FABP6: variants seen among roughly 807,000 people sequenced by gnomAD.
FABP6 encodes the protein gastrotropin.
A neutral mutation model predicts 14.9 loss-of-function variants in FABP6; 13 were observed. The ratio of observed to expected loss-of-function variants is 0.87; its 90% CI spans 0.57 to 1.39. The LOEUF (loss-of-function observed/expected upper bound fraction) is 1.39. Among genes scored for constraint, FABP6 ranks in the 40% most tolerant of loss-of-function variants. The pLI is 0.00. For missense variants in FABP6, 161 were observed against 167.2 expected (o/e 0.96, Z 0.20); for synonymous variants, 75 against 63.6 (o/e 1.18, Z -0.85).
upstream of FABP6, among the ~76,000 whole-genome samples, chr5:160,226,920 T>G (rs989185703): frequency 1.3e-5 from 2 of 152,214 alleles, no homozygotes; most frequent in Non-Finnish European, 2.9e-5. Flanking sequence ...CTACAATCCT[T>G]TGTTCCAGGA....
At chr5:160,214,213 A>AAC (rs1483501359) in intron 3 of FABP6, among the ~76,000 whole-genome samples, 6 of 150,250 alleles carry the variant, frequency 4.0e-5, no homozygotes, top group Non-Finnish European at 7.4e-5. Context: ...ACCCAGGCTG[A>AAC]AGTGCAGTGA....
upstream of FABP6, among the ~76,000 whole-genome samples, chr5:160,228,925 C>G (rs1440641084): frequency 6.6e-6 from 1 of 152,122 alleles, no homozygotes. Context: ...CCTATTGGTC[C>G]TCCAAGACGG....
At chr5:160,219,376 A>G (rs926332119) in intron 3 of FABP6, among the ~76,000 whole-genome samples, 10 of 152,152 alleles carry the variant, frequency 6.6e-5, no homozygotes, top group African/African-American at 1.9e-4. Context: ...CTTTATCTCT[A>G]TTGGGGTATA....
chr5:160,222,905 A>G (rs1186814471), intron 3 of FABP6, among the ~76,000 whole-genome samples: 1 of 152,196 alleles, frequency 6.6e-6, no homozygotes, highest in Non-Finnish European at 1.5e-5. Context: ...GCTTTAGCTC[A>G]AGGAAATATA....
chr5:160,222,095 C>CTTTTTTTT (rs202190021), intron 3 of FABP6, among the ~76,000 whole-genome samples: 2 of 130,326 alleles, frequency 1.5e-5, no homozygotes, highest in East Asian at 2.2e-4. Context: ...TTTTTCTTTT[C>CTTTTTTTT]TTTTTTTTTT....
chr5:160,232,875 C>T (rs529303009), intron 2 of FABP6, among the ~76,000 whole-genome samples: 18 of 148,802 alleles, frequency 1.2e-4, no homozygotes, highest in African/African-American at 3.2e-4. Flanking sequence ...CCAGCCTGGG[C>T]GACAGAGTGA....
At chr5:160,226,541 A>AAG (rs1760251567), upstream of FABP6, among the ~76,000 whole-genome samples, 3 of 151,828 alleles carry the variant, frequency 2.0e-5, no homozygotes, top group Admixed American at 2.0e-4. Flanking sequence ...CTCAAAAAAA[A>AAG]AAAAAAAGTA....
At chr5:160,193,602 ATTAG>A (rs1180569070) in intron 1 of FABP6, among the ~76,000 whole-genome samples, 1 of 152,100 alleles carries the variant, frequency 6.6e-6, no homozygotes, top group African/African-American at 2.4e-5. Flanking sequence ...TCCCCATCAG[ATTAG>A]TTAGATACAG....
intron 2 of FABP6, chr5:160,213,721 T>C (rs776755811): frequency 6.2e-7 from 1 of 1,612,148 alleles, no homozygotes; most frequent in Non-Finnish European, 8.5e-7. Context: ...TCAGATTATT[T>C]CTCTTCTGAC....
intron 1 of FABP6, among the ~76,000 whole-genome samples, chr5:160,191,969 A>G (rs1759403323): frequency 6.6e-6 from 1 of 151,714 alleles, no homozygotes; most frequent in African/African-American, 2.4e-5. Flanking sequence ...GCGAGACTCC[A>G]TCTCAAAAAA....
At chr5:160,215,884 G>C (rs908638534) in intron 3 of FABP6, among the ~76,000 whole-genome samples, 5 of 152,142 alleles carry the variant, frequency 3.3e-5, no homozygotes, top group Non-Finnish European at 5.9e-5. Context: ...GCTGAGGGAG[G>C]GTCATGAACT....
intron 2 of FABP6, among the ~76,000 whole-genome samples, chr5:160,202,933 C>G (rs1759675954): frequency 6.6e-6 from 1 of 150,894 alleles, no homozygotes; most frequent in South Asian, 2.1e-4. Flanking sequence ...TGGAGTTTCA[C>G]TCTTGTTGCC....
intron 1 of FABP6, among the ~76,000 whole-genome samples, chr5:160,194,819 TACC>T (rs1759478525): frequency 6.6e-6 from 1 of 152,184 alleles, no homozygotes; most frequent in Admixed American, 6.5e-5. Flanking sequence ...TCCCTGCCTA[TACC>T]TCCATATTCC....
intron 3 of FABP6, among the ~76,000 whole-genome samples, chr5:160,220,031 A>C (rs72812214): frequency 0.047 from 7,094 of 152,328 alleles, 225 homozygotes; most frequent in Middle Eastern, 0.16. Flanking sequence ...CCCACCAGGA[A>C]TACATACAGA....
chr5:160,194,848 C>T (rs1759479096), intron 1 of FABP6, among the ~76,000 whole-genome samples: 2 of 152,186 alleles, frequency 1.3e-5, no homozygotes, highest in African/African-American at 4.8e-5. Context: ...CCCTGCCCAC[C>T]CCATCAGTCT....
chr5:160,226,533 C>A (rs1453255747), upstream of FABP6, among the ~76,000 whole-genome samples: 69 of 136,838 alleles, frequency 5.0e-4, no homozygotes, highest in South Asian at 7.1e-4. Flanking sequence ...GAGACTGTCT[C>A]AAAAAAAAAA....
intron 1 of FABP6, among the ~76,000 whole-genome samples, chr5:160,194,429 G>C (rs931002771): frequency 6.6e-5 from 10 of 152,226 alleles, no homozygotes; most frequent in Admixed American, 1.3e-4. Flanking sequence ...CCCCGAGAGT[G>C]AGCGAGGGCT....
chr5:160,187,742 A>ATTATTTATTTATTTAT (rs147766560), intron 1 of FABP6, among the ~76,000 whole-genome samples: 2,156 of 150,670 alleles, frequency 0.014, 27 homozygotes, highest in Non-Finnish European at 0.022. Flanking sequence ...AATATTTGCT[A>ATTATTTATTTATTTAT]TTATTTATTT....
chr5:160,231,982 C>A, intron 1 of FABP6, 116 bp from the exon 2 acceptor site: 1 of 1,203,242 alleles, frequency 8.3e-7, no homozygotes, highest in Non-Finnish European at 1.2e-6. Flanking sequence ...AACCTGCAGG[C>A]TAGCCTATCA....
Sources: allele counts gnomAD v4.1 joint callset (sites outside exome capture counted in the v4.1 genomes callset), GRCh38; gene constraint gnomAD v4.1.1; transcripts MANE v1.5; gene names NCBI Gene and HGNC (gene_info 2026-07-23, HGNC 2026-07-21).